NSD3: variants seen among roughly 807,000 people sequenced by gnomAD.
The protein encoded by NSD3 is histone-lysine N-methyltransferase NSD3.
Under a neutral mutation model 160.8 loss-of-function variants are expected in NSD3, and 24 were observed. That is an observed-to-expected ratio of 0.15 (90% CI 0.11 to 0.21). The LOEUF (loss-of-function observed/expected upper bound fraction) is 0.21, where lower values mean the gene tolerates loss of function less well. NSD3 is among the 10% of genes least tolerant of loss of function. The probability of loss-of-function intolerance (pLI) is 1.00; values close to 1 mark genes in which losing one functional copy is unlikely to be tolerated. For synonymous variants in NSD3, 520 were observed against 600.0 expected, an observed-to-expected ratio of 0.87 and a Z score of 1.95; for missense variants, 1,157 against 1,735.9, an observed-to-expected ratio of 0.67 and a Z score of 5.93.
intron 17 of NSD3, 111 bp from the exon 18 acceptor site, chr8:38,289,616 C>A (rs1808951505): frequency 1.0e-6 from 1 of 984,450 alleles, no homozygotes; most frequent in Non-Finnish European, 1.5e-6. Context: ...TGAGATTTTT[C>A]TTTTTAGAAT....
rs758404578 is a variant in NSD3, at chr8:38,329,731, C to T, written c.1228G>A (p.Val410Ile). Reference protein sequence around the residue: ...EEALSQAKKSVASKTEVKKTR... With the variant: ...EEALSQAKKSIASKTEVKKTR... The stretch of plus-strand genomic sequence containing the variant: ...TTTTTAACTTCGGTTTTGGAGGCAA[C>T]ACTCTTTTTTGCTTGGGATAAAGCC... The change falls in exon 6 of 24, where the codon GTT (valine) becomes ATT (isoleucine). Residue 410 changes from valine (V) to isoleucine (I), a missense_variant. Coordinates refer to ENST00000317025, the MANE Select transcript of NSD3 (RefSeq NM_023034.2). The surrounding 1 kb of genome is among the most constrained non-coding windows in gnomAD (Gnocchi z 4.8). 4.3e-6 allele frequency: 7 copies of T among 1,614,218 alleles called. No individual in the cohort carries two copies. The highest frequency in any genetic ancestry group is 5.9e-6 in the Non-Finnish European group (7 of 1,180,030).
intron 1 of NSD3, among the ~76,000 whole-genome samples, chr8:38,351,482 G>A (rs2150385898): frequency 6.6e-6 from 1 of 151,426 alleles, no homozygotes; most frequent in East Asian, 2.0e-4. Context: ...GGCCAATACA[G>A]TGAAACCCCG....
intron 12 of NSD3, among the ~76,000 whole-genome samples, chr8:38,309,236 G>C (rs1444008631): frequency 6.6e-6 from 1 of 152,154 alleles, no homozygotes; most frequent in East Asian, 1.9e-4. Flanking sequence ...GGGAGGGCAA[G>C]GCAGGTGGAT....
At chr8:38,345,905 G>A (rs12677788) in intron 2 of NSD3, among the ~76,000 whole-genome samples, 32,732 of 151,928 alleles carry the variant, frequency 0.22, 3,779 homozygotes, top group East Asian at 0.31. Context: ...GTGAAACTCC[G>A]TCTCAAAAAC....
At chr8:38,280,930 A>G (rs1469913650) in intron 20 of NSD3, among the ~76,000 whole-genome samples, 2 of 151,532 alleles carry the variant, frequency 1.3e-5, no homozygotes, top group Non-Finnish European at 1.5e-5. Context: ...CTTTATTTTT[A>G]TTTTTTGTAG....
chr8:38,315,376 T>C (rs2131020978), intron 11 of NSD3, 40 bp downstream of exon 11: 7 of 1,507,550 alleles, frequency 4.6e-6, no homozygotes, highest in Non-Finnish European at 6.2e-6. Context: ...CAGAATATAA[T>C]AGCAATTATT....
Position 38,276,285 on chromosome 8 carries a change from G to T in NSD3, c.4072+11C>A, listed in dbSNP as rs781594957. 1.2e-6 allele frequency: 2 copies of T among 1,613,590 alleles called. No individual in the cohort carries two copies. The highest frequency in any genetic ancestry group is 2.2e-5 in the South Asian group (2 of 90,962). The stretch of plus-strand genomic sequence containing the variant: ...ACAAATTAGGGAAAGGGTCCTGAAG[G>T]TCCAGCTTACCATATGGTGGCTGAG... On this transcript the variant is annotated intron_variant, in intron 23 of 23. Transcript: ENST00000317025.
intron 19 of NSD3, among the ~76,000 whole-genome samples, chr8:38,286,037 CTGG>C (rs1351744707): frequency 1.3e-5 from 2 of 152,194 alleles, no homozygotes; most frequent in Non-Finnish European, 2.9e-5. Context: ...TGCCTGCCTG[CTGG>C]TGTTCATGCC....
chr8:38,276,118 T>C (rs1808595730), intron 23 of NSD3, among the ~76,000 whole-genome samples, 178 bp downstream of exon 23: 1 of 152,154 alleles, frequency 6.6e-6, no homozygotes, highest in Non-Finnish European at 1.5e-5. Flanking sequence ...AAGAAACCAA[T>C]CCTTGAGGAA....
intron 12 of NSD3, among the ~76,000 whole-genome samples, chr8:38,308,748 C>A (rs950056165): frequency 1.3e-5 from 2 of 152,000 alleles, no homozygotes; most frequent in Non-Finnish European, 2.9e-5. Context: ...CCCAGGAGGT[C>A]GAGGCTGCAG....
At position 38,275,054 on chromosome 8, in the gene NSD3, A is replaced by G; in HGVS notation, c.*587T>C. 4.4e-6 allele frequency: 1 copy of G among 229,608 alleles called. No individual in the cohort carries two copies. The highest frequency in any genetic ancestry group is 8.6e-6 in the Non-Finnish European group (1 of 115,806). 14.2% of individuals were successfully genotyped at this position (229,608 alleles called of 1,614,324 possible). ...TCAAGAGGCCAGATTTAATACTTCCATAGAGCCCTTCTCTAAGCCTATGAA... is the reference window on the plus strand; with the variant it reads ...TCAAGAGGCCAGATTTAATACTTCCGTAGAGCCCTTCTCTAAGCCTATGAA... On this transcript the variant is annotated 3_prime_UTR_variant, in exon 24 of 24. Transcript: ENST00000317025.
intron 16 of NSD3, among the ~76,000 whole-genome samples, chr8:38,293,497 C>T (rs1809057279): frequency 6.6e-6 from 1 of 151,536 alleles, no homozygotes; most frequent in African/African-American, 2.4e-5. Context: ...CTGCAGTGGG[C>T]CAAGATCACA....
chr8:38,292,194 C>A lies in NSD3; in HGVS notation c.2916-1517G>T, dbSNP rs1002232479. Reference sequence around the variant, plus strand: ...TTCAAACTGTGCACCCTTCTCCATGCCAGAAAGATACATATTTTTCAATTA... The same window carrying A: ...TTCAAACTGTGCACCCTTCTCCATGACAGAAAGATACATATTTTTCAATTA... On this transcript the variant is annotated intron_variant, in intron 16 of 23. Transcript: ENST00000317025. Among the ~76,000 whole-genome samples, 8 of 152,130 alleles carry A rather than the reference C, an allele frequency of 5.3e-5. 1 individual carries two copies. The highest frequency in any genetic ancestry group is 1.9e-4 in the African/African-American group (8 of 41,404).
In NSD3 at chr8:38,321,220, T is replaced by C. The variant is rs1307540594; in HGVS notation, c.1709-48A>G. The C allele has an allele frequency of 3.4e-6, 5 of 1,486,588 alleles. No individual in the cohort carries two copies. The highest frequency in any genetic ancestry group is 1.4e-5 in the African/African-American group (1 of 71,994). 92.1% of individuals were successfully genotyped at this position (1,486,588 alleles called of 1,614,324 possible). On this transcript the variant is annotated intron_variant, in intron 7 of 23. Transcript: ENST00000317025. The surrounding 1 kb of genome is among the most constrained non-coding windows in gnomAD (Gnocchi z 4.7). ...AAACAAAAACTCACTTAAGGATACC[T>C]TGACATCTATGTAATTAAGATATGA...
rs140622595 is a variant in NSD3 at position 38,319,268 on chromosome 8, G to A, written c.1810-328C>T. On this transcript the variant is annotated intron_variant, in intron 8 of 23. Transcript: ENST00000317025. The surrounding 1 kb of genome is among the most constrained non-coding windows in gnomAD (Gnocchi z 4.1). ...CAGGAGAGGGGTTGTTTCTGCAACC[G>A]GCCCCAATGTTGCTAAAAACCCCTC... 456 of 216,496 alleles carry A rather than the reference G, an allele frequency of 2.1e-3. 4 individuals carry two copies. The highest frequency in any genetic ancestry group is 0.019 in the East Asian group (184 of 9,492). 13.4% of individuals were successfully genotyped at this position (216,496 alleles called of 1,614,324 possible).
At chr8:38,286,484 G>C (rs1424709556) in intron 19 of NSD3, among the ~76,000 whole-genome samples, 1 of 152,164 alleles carries the variant, frequency 6.6e-6, no homozygotes, top group Admixed American at 6.5e-5. Context: ...CCTCAGTAGA[G>C]GACCCAGTTA....
chr8:38,283,126 G>C (rs1158902500), intron 19 of NSD3, among the ~76,000 whole-genome samples: 3 of 152,010 alleles, frequency 2.0e-5, no homozygotes, highest in Non-Finnish European at 2.9e-5. Flanking sequence ...GTCTGCATCT[G>C]GTATTGCCAC....
intron 14 of NSD3, chr8:38,303,145 G>T: frequency 1.3e-6 from 1 of 793,310 alleles, no homozygotes; most frequent in Non-Finnish European, 1.5e-6. Context: ...CATAGAGTTT[G>T]CAAAGCAATA....
chr8:38,337,095 T>C (rs1442227805), intron 4 of NSD3, among the ~76,000 whole-genome samples: 8 of 150,472 alleles, frequency 5.3e-5, no homozygotes, highest in South Asian at 4.2e-4. Flanking sequence ...TGAGCTGAGA[T>C]TGCGCCATTG....
Sources: allele counts gnomAD v4.1 joint callset (sites outside exome capture counted in the v4.1 genomes callset), GRCh38; gene constraint gnomAD v4.1.1; non-coding constraint Gnocchi (gnomAD v3.1); transcripts MANE v1.5; gene names NCBI Gene and HGNC (gene_info 2026-07-23, HGNC 2026-07-21).